Variants in FAM81A observed in about 807,000 individuals in gnomAD.
The protein encoded by FAM81A is protein FAM81A.
In FAM81A, 19 loss-of-function variants were observed where a neutral mutation model predicts 46.7. The observed-to-expected ratio is 0.41, with a 90% CI of 0.28 to 0.60. The LOEUF is 0.60. Ranked by LOEUF, FAM81A falls within the 20% of genes least tolerant of loss-of-function variation. FAM81A has a pLI of 0.34. For missense variants in FAM81A, 377 were observed against 453.5 expected (o/e 0.83, Z 1.53); for synonymous variants, 183 against 152.9 (o/e 1.20, Z -1.45).
chr15:59,490,677 C>A (rs1010850322), intron 3 of FAM81A, among the ~76,000 whole-genome samples: 5 of 151,854 alleles, frequency 3.3e-5, no homozygotes, highest in Non-Finnish European at 5.9e-5. Context: ...ACTAAAAATA[C>A]AAAAAAAATT....
intron 4 of FAM81A, among the ~76,000 whole-genome samples, chr15:59,498,898 A>C (rs1596531698): frequency 6.6e-6 from 1 of 152,110 alleles, no homozygotes; most frequent in Admixed American, 6.5e-5. Context: ...CAAGTGATCC[A>C]CCTGCCTCGG....
At chr15:59,472,080 T>A (rs911864268) in intron 3 of FAM81A, among the ~76,000 whole-genome samples, 3 of 152,200 alleles carry the variant, frequency 2.0e-5, no homozygotes, top group Admixed American at 6.5e-5. Context: ...CAAACTGGGA[T>A]GGCTAATAAT....
rs373948056 is a variant in FAM81A, at chr15:59,421,715, C to G, written c.-78+19357C>G. On this transcript the variant is annotated intron_variant, in intron 2 of 4. Transcript: ENST00000558348. ...CAGATTAAACCCTTAAACTATCTAT[C>G]TGTCTGTCTGTCTGTCTATCTATCT... 8.8e-3 allele frequency among the ~76,000 whole-genome samples: 864 copies of G among 98,054 alleles called. 7 individuals are homozygous for G. Among genetic ancestry groups the G allele is most frequent in the South Asian group, 0.034 (78 of 2,292 alleles). 64.3% of individuals were successfully genotyped at this position (98,054 alleles called of 152,430 possible).
intron 1 of FAM81A, among the ~76,000 whole-genome samples, chr15:59,447,466 G>A (rs1264533475): frequency 6.6e-6 from 1 of 152,194 alleles, no homozygotes. Flanking sequence ...GGTCAGGGGT[G>A]GTGAGAGATG....
chr15:59,443,151 C>T (rs1414915541), intron 1 of FAM81A, among the ~76,000 whole-genome samples: 2 of 152,214 alleles, frequency 1.3e-5, no homozygotes, highest in African/African-American at 2.4e-5. Context: ...GGCACAATCT[C>T]GGCTCACTGC....
At chr15:59,437,784 C>T (rs1302574523), upstream of FAM81A, among the ~76,000 whole-genome samples, 3 of 152,156 alleles carry the variant, frequency 2.0e-5, no homozygotes, top group African/African-American at 7.2e-5. Context: ...ATTGCAGTGC[C>T]ACCACCATGG....
rs570814156 is a variant in FAM81A, at chr15:59,474,943, A to G, written c.294+14737A>G. On this transcript the variant is annotated intron_variant, in intron 3 of 8. Transcript: ENST00000288228. ...ATGTGACAGGCTGTGCTATTCAGCC[A>G]TTCTTTGCTTTCTGAGTTTCAGGAA... 1.2e-4 allele frequency among the ~76,000 whole-genome samples: 19 copies of G among 152,268 alleles called. No homozygotes were observed. The South Asian group carries it at 3.7e-3, about 30-fold the overall frequency.
At chr15:59,507,469 A>G (rs1160601415) in intron 5 of FAM81A, 127 bp downstream of exon 5, 3 of 1,279,516 alleles carry the variant, frequency 2.3e-6, no homozygotes, top group African/African-American at 3.0e-5. Flanking sequence ...GCCAATCATA[A>G]GCATCTTTTC....
chr15:59,405,150 G>A (rs2081088707), intron 2 of FAM81A, among the ~76,000 whole-genome samples: 1 of 152,178 alleles, frequency 6.6e-6, no homozygotes, highest in South Asian at 2.1e-4. Flanking sequence ...CTCGCCTCCT[G>A]CACATCCTTT....
intron 2 of FAM81A, among the ~76,000 whole-genome samples, chr15:59,425,132 G>T (rs2081189681): frequency 6.6e-6 from 1 of 152,058 alleles, no homozygotes; most frequent in Non-Finnish European, 1.5e-5. Context: ...AGATCCTCCT[G>T]CCTCAACCTC....
chr15:59,473,493 A>G (rs1182911745), intron 3 of FAM81A, among the ~76,000 whole-genome samples: 1 of 152,216 alleles, frequency 6.6e-6, no homozygotes, highest in Non-Finnish European at 1.5e-5. Flanking sequence ...CCTGCAGATA[A>G]GAGGGTGCCA....
chr15:59,436,721 A>G (rs1567042453), upstream of FAM81A, among the ~76,000 whole-genome samples: 1 of 152,200 alleles, frequency 6.6e-6, no homozygotes, highest in African/African-American at 2.4e-5. Context: ...TTTACCTAGT[A>G]CATACCATGC....
intron 1 of FAM81A, among the ~76,000 whole-genome samples, chr15:59,450,988 C>T (rs905874564): frequency 5.3e-5 from 8 of 152,148 alleles, no homozygotes; most frequent in Non-Finnish European, 1.5e-5. Context: ...GGGAGAGGAC[C>T]ATGCAAGGTG....
intron 3 of FAM81A, among the ~76,000 whole-genome samples, chr15:59,468,626 T>C (rs1269751745): frequency 6.6e-6 from 1 of 150,594 alleles, no homozygotes; most frequent in African/African-American, 2.5e-5. Context: ...TTGCTAGCAG[T>C]CTATCAATTT....
chr15:59,501,945 G>A (rs763258737), intron 4 of FAM81A, among the ~76,000 whole-genome samples: 1 of 151,982 alleles, frequency 6.6e-6, no homozygotes, highest in Non-Finnish European at 1.5e-5. Flanking sequence ...CAGGAATGAT[G>A]TCTTTGATTT....
chr15:59,431,330 G>A (rs536011084), intron 2 of FAM81A, among the ~76,000 whole-genome samples: 29 of 152,140 alleles, frequency 1.9e-4, no homozygotes, highest in Admixed American at 5.2e-4. Context: ...TGCCTCCTGG[G>A]TTCAAGCGAT....
intron 1 of FAM81A, among the ~76,000 whole-genome samples, chr15:59,450,534 G>T (rs2081406481): frequency 6.6e-6 from 1 of 152,008 alleles, no homozygotes; most frequent in Non-Finnish European, 1.5e-5. Context: ...TGCTCCTGTT[G>T]TTCCATATAT....
chr15:59,485,384 C>T (rs1158599203), intron 3 of FAM81A, among the ~76,000 whole-genome samples: 1 of 152,176 alleles, frequency 6.6e-6, no homozygotes, highest in African/African-American at 2.4e-5. Context: ...GCTTGTGCCC[C>T]ACTTCCCAGC....
chr15:59,519,351 G>A (rs2082302463), intron 8 of FAM81A, among the ~76,000 whole-genome samples: 1 of 151,828 alleles, frequency 6.6e-6, no homozygotes, highest in Non-Finnish European at 1.5e-5. Flanking sequence ...ACCAGGCCCA[G>A]CTAATTTTTG....
Sources: gnomAD v4.1 joint callset for allele counts (sites outside exome capture counted in the v4.1 genomes callset) on GRCh38, gnomAD v4.1.1 for gene constraint, MANE v1.5 for transcripts, NCBI Gene and HGNC (gene_info 2026-07-23, HGNC 2026-07-21) for gene names.